Variants in VSX2 observed in about 807,000 individuals in gnomAD.
VSX2 encodes ceh-10 homeo domain containing homolog.
VSX2 carries 28 observed loss-of-function variants against 32.1 expected under a neutral mutation model. The observed-to-expected ratio is 0.87, with a 90% CI of 0.65 to 1.20. VSX2 has a LOEUF of 1.20. VSX2 is among the 50% of genes most tolerant of loss of function. The probability of loss-of-function intolerance (pLI) is 0.00; values close to 1 mark genes in which losing one functional copy is unlikely to be tolerated. For synonymous variants in VSX2, 243 were observed against 214.1 expected (o/e 1.14, Z -1.18); for missense variants, 506 against 488.7 (o/e 1.04, Z -0.33).
chr14:74,241,083 G>C (rs112134231), intron 1 of VSX2, 99 bp from the exon 2 acceptor site: 1 of 1,286,976 alleles, frequency 7.8e-7, no homozygotes, highest in South Asian at 1.2e-5. Context: ...GCAGGTCCCC[G>C]CCGCTCGCGG....
At chr14:74,244,377 A>T (rs970937524) in intron 2 of VSX2, among the ~76,000 whole-genome samples, 4 of 152,000 alleles carry the variant, frequency 2.6e-5, no homozygotes, top group Non-Finnish European at 5.9e-5. Context: ...CCTTGTCAGC[A>T]CAGAATAGGA....
intron 3 of VSX2, among the ~76,000 whole-genome samples, chr14:74,250,399 C>G (rs138014942): frequency 2.4e-4 from 37 of 152,186 alleles, no homozygotes; most frequent in African/African-American, 7.2e-4. Context: ...CATATATATT[C>G]ATGTGTTTAT....
At chr14:74,246,410 G>A (rs997503333) in intron 3 of VSX2, among the ~76,000 whole-genome samples, 3 of 152,174 alleles carry the variant, frequency 2.0e-5, no homozygotes, top group South Asian at 2.1e-4. Flanking sequence ...TGTGAAATGA[G>A]GCTGTGAGGC....
intron 3 of VSX2, among the ~76,000 whole-genome samples, chr14:74,252,432 C>T (rs576907455): frequency 1.3e-5 from 2 of 151,476 alleles, no homozygotes; most frequent in East Asian, 3.9e-4. Context: ...CCTCTGTTGC[C>T]CAGGCTGGAG....
At chr14:74,240,959 T>C (rs2079146104) in intron 1 of VSX2, among the ~76,000 whole-genome samples, 1 of 152,112 alleles carries the variant, frequency 6.6e-6, no homozygotes, top group Non-Finnish European at 1.5e-5. Context: ...TTGCCTCTCT[T>C]ACAACGAAAT....
intron 1 of VSX2, among the ~76,000 whole-genome samples, chr14:74,240,807 G>C (rs1387605129): frequency 6.6e-6 from 1 of 152,144 alleles, no homozygotes; most frequent in Non-Finnish European, 1.5e-5. Context: ...CTCGCTCCTC[G>C]AGGCCAACTT....
At chr14:74,250,860 G>A (rs1158444662) in intron 3 of VSX2, among the ~76,000 whole-genome samples, 1 of 151,762 alleles carries the variant, frequency 6.6e-6, no homozygotes, top group Non-Finnish European at 1.5e-5. Flanking sequence ...TGTTAGCCAG[G>A]ATAGTCTCGA....
At chr14:74,249,343 T>G (rs2079215082) in intron 3 of VSX2, among the ~76,000 whole-genome samples, 1 of 151,900 alleles carries the variant, frequency 6.6e-6, no homozygotes, top group Non-Finnish European at 1.5e-5. Context: ...TGATCTCGGC[T>G]CACCGAAGCC....
intron 4 of VSX2, 142 bp downstream of exon 4, chr14:74,259,924 G>C (rs775885192): frequency 3.7e-5 from 35 of 940,560 alleles, no homozygotes; most frequent in Non-Finnish European, 4.8e-5. Flanking sequence ...AAACCTCTTG[G>C]TCTATCCTGG....
rs1193237728 is a variant in VSX2 at position 74,260,919 on chromosome 14, G to A, written c.1086G>A (p.Ter362=). ...LSPPQLEDMA[*] ...CACCGCAGCTGGAGGACATGGCTTA[G>A]GTCAAGGCGCGCTCAGATGCCGGAG... The change falls in exon 5 of 5, where the codon TAG becomes TAA. Residue 362 remains the stop codon, a stop_retained_variant. Coordinates refer to ENST00000261980, the MANE Select transcript of VSX2 (RefSeq NM_182894.3). 1.5e-5 allele frequency: 24 copies of A among 1,555,724 alleles called. No individual in the cohort carries two copies. Among genetic ancestry groups the A allele is most frequent in the Admixed American group, 3.9e-5 (2 of 51,734 alleles).
At chr14:74,256,085 G>T (rs1308830730) in intron 3 of VSX2, among the ~76,000 whole-genome samples, 1 of 152,146 alleles carries the variant, frequency 6.6e-6, no homozygotes, top group Non-Finnish European at 1.5e-5. Flanking sequence ...AGGGGTTGTG[G>T]CCTTGTTTTA....
Position 74,261,176 on chromosome 14 carries a change from T to C in VSX2, c.*257T>C. 1 of 546,066 alleles carries C rather than the reference T, an allele frequency of 1.8e-6. No homozygotes were observed. The highest frequency in any genetic ancestry group is 3.3e-6 in the Non-Finnish European group (1 of 305,320). The allele number at this position is 546,066 out of a possible 1,614,324, so 33.8% of individuals were successfully genotyped here. A position where few individuals can be genotyped will look rare whatever the true frequency, so the allele number is the denominator to read the frequency against. ...CCTTCTTGCTGCCCACAACGTCCCC[T>C]CAAGCCCCTTCTCTCAATCCCTTTG... On this transcript the variant is annotated 3_prime_UTR_variant, in exon 5 of 5. Coordinates refer to ENST00000261980, the MANE Select transcript of VSX2 (RefSeq NM_182894.3).
At chr14:74,250,552 T>C (rs1275840007) in intron 3 of VSX2, among the ~76,000 whole-genome samples, 1 of 152,200 alleles carries the variant, frequency 6.6e-6, no homozygotes, top group Non-Finnish European at 1.5e-5. Context: ...CCGAGCACTG[T>C]GTGACTTTGC....
chr14:74,247,509 A>G (rs2139636241), intron 3 of VSX2, among the ~76,000 whole-genome samples: 1 of 152,312 alleles, frequency 6.6e-6, no homozygotes. Flanking sequence ...TCGGTGTCAG[A>G]TCTGATCTTA....
In VSX2 at chr14:74,259,793, G is replaced by A. The variant is rs777886580; in HGVS notation, c.760+11G>A. 30 of 1,535,852 alleles carry A rather than the reference G, an allele frequency of 2.0e-5. No individual in the cohort carries two copies. In the East Asian group the frequency reaches 3.1e-4, roughly 16 times the overall value. On this transcript the variant is annotated intron_variant, in intron 4 of 4. Coordinates refer to ENST00000261980, the MANE Select transcript of VSX2 (RefSeq NM_182894.3). ...CCCCGTGGCTACTGGGTAAGAGCCCGCACCCTCCTTGGGGTCCTGCCCTGC... is the reference window on the plus strand; with the variant it reads ...CCCCGTGGCTACTGGGTAAGAGCCCACACCCTCCTTGGGGTCCTGCCCTGC...
At position 74,261,080 on chromosome 14, in the gene VSX2, G is replaced by T; in HGVS notation, c.*161G>T. On this transcript the variant is annotated 3_prime_UTR_variant, in exon 5 of 5. Transcript: ENST00000261980. ...CCCTGGTGGCTGCAGGCACCGCTGG[G>T]TTCTGACTCTGGACCATGCTGAGAC... The T allele has an allele frequency of 1.3e-6, 1 of 799,638 alleles. No individual in the cohort carries two copies. Among genetic ancestry groups the T allele is most frequent in the Admixed American group, 2.5e-5 (1 of 40,184 alleles). 49.5% of individuals were successfully genotyped at this position (799,638 alleles called of 1,614,324 possible). A position where few individuals can be genotyped will look rare whatever the true frequency, so the allele number is the denominator to read the frequency against.
chr14:74,259,742 C>T lies in VSX2; in HGVS notation c.720C>T (p.Ala240=), dbSNP rs576723592. The change falls in exon 4 of 5, where the codon GCC becomes GCT. Residue 240 remains alanine (A), a synonymous_variant. Transcript: ENST00000261980. ...TGCCCGAGTCCATCCTCAAGTCAGC[C>T]AAGGATGGCATCATGGACTCCTGTG... ...IPLPESILKS[A]KDGIMDSCAP... is the part of the protein sequence containing the mutation. 4 of 1,613,626 alleles carry T rather than the reference C, an allele frequency of 2.5e-6. No homozygotes were observed. The Admixed American group carries it at 5.0e-5, about 20-fold the overall frequency.
At chr14:74,243,852 TG>T (rs1437625072) in intron 2 of VSX2, among the ~76,000 whole-genome samples, 2 of 151,782 alleles carry the variant, frequency 1.3e-5, no homozygotes, top group East Asian at 3.9e-4. Context: ...TCTGTACTTT[TG>T]GGTTGTGTTA....
rs764746327 is a variant in VSX2, at chr14:74,239,887, G to A, written c.326G>A (p.Gly109Asp). 2 of 1,574,318 alleles carry A rather than the reference G, an allele frequency of 1.3e-6. No homozygotes were observed. The highest frequency in any genetic ancestry group is 3.7e-5 in the Admixed American group (2 of 54,076). The change falls in exon 1 of 5, where the codon GGC (glycine) becomes GAC (aspartate). Residue 109 changes from glycine (G) to aspartate (D), a missense_variant. Transcript: ENST00000261980. ...CAGAGCGTCCACTTGCAGCCATTGG[G>A]CAGAGCATCGGGGCCGCTGGACACC... ...DPQSVHLQPL[G>D]RASGPLDTSQ...
Sources: gnomAD v4.1 joint callset for allele counts (sites outside exome capture counted in the v4.1 genomes callset) on GRCh38, gnomAD v4.1.1 for gene constraint, MANE v1.5 for transcripts, NCBI Gene and HGNC (gene_info 2026-07-23, HGNC 2026-07-21) for gene names.